BLOC1S2: variants seen among roughly 807,000 people sequenced by gnomAD.
BLOC1S2 encodes biogenesis of lysosomal organelles complex 1 subunit 2.
A neutral mutation model predicts 19.6 loss-of-function variants in BLOC1S2; 12 were observed. The observed-to-expected ratio is 0.61, with a 90% CI of 0.39 to 0.99. The LOEUF (loss-of-function observed/expected upper bound fraction) is 0.99. Among genes scored for constraint, BLOC1S2 ranks in the 50% least tolerant of loss-of-function variants. The probability of loss-of-function intolerance (pLI) is 0.00; values close to 1 mark genes in which losing one functional copy is unlikely to be tolerated. For missense variants in BLOC1S2, 142 were observed against 171.0 expected (o/e 0.83, Z 0.95); for synonymous variants, 66 against 64.1 (o/e 1.03, Z -0.14).
intron 4 of BLOC1S2, among the ~76,000 whole-genome samples, chr10:100,278,073 C>A (rs1453054005): frequency 7.0e-6 from 1 of 143,770 alleles, no homozygotes; most frequent in African/African-American, 2.6e-5. Context: ...GCTCAGCCCC[C>A]CGCCGGGCCA....
chr10:100,280,859 C>G, intron 3 of BLOC1S2, 75 bp downstream of exon 3: 268 of 1,414,978 alleles, frequency 1.9e-4, no homozygotes, highest in Non-Finnish European at 2.4e-4. Context: ...GTCATGTTCC[C>G]TCCTCTTCTC....
intron 2 of BLOC1S2, among the ~76,000 whole-genome samples, chr10:100,283,646 A>G (rs1848163983): frequency 1.3e-5 from 2 of 152,142 alleles, no homozygotes; most frequent in Admixed American, 6.5e-5. Flanking sequence ...CAAGGTGGGC[A>G]GATCACTTGA....
Position 100,274,911 on chromosome 10 carries a change from C to A in BLOC1S2, c.*551G>T, listed in dbSNP as rs1408894382. 1 of 398,392 alleles carries A rather than the reference C, an allele frequency of 2.5e-6. No individual in the cohort carries two copies. Among genetic ancestry groups the A allele is most frequent in the African/African-American group, 2.1e-5 (1 of 48,614 alleles). 24.7% of individuals were successfully genotyped at this position (398,392 alleles called of 1,614,324 possible). On this transcript the variant is annotated 3_prime_UTR_variant, in exon 5 of 5. Coordinates refer to ENST00000370372, the MANE Select transcript of BLOC1S2 (RefSeq NM_173809.5). ...CCATTTCTGCTCAATCTAGAAGACT[C>A]AGCTTGGAATTATTTTAAGATTTTA...
chr10:100,274,995 A>G lies in BLOC1S2; in HGVS notation c.*467T>C. ...CGACATTCACAAGGTGATAAGCTGC[A>G]AAGAACAAGTTTGTTTTGTTTTCCT... On this transcript the variant is annotated 3_prime_UTR_variant, in exon 5 of 5. Coordinates refer to ENST00000370372, the MANE Select transcript of BLOC1S2 (RefSeq NM_173809.5). 2.5e-6 allele frequency: 1 copy of G among 399,086 alleles called. No homozygotes were observed. The allele number at this position is 399,086 out of a possible 1,614,324, so 24.7% of individuals were successfully genotyped here. A position where few individuals can be genotyped will look rare whatever the true frequency, so the allele number is the denominator to read the frequency against.
intron 3 of BLOC1S2, 119 bp downstream of exon 3, chr10:100,280,815 A>T (rs1848083899): frequency 4.5e-6 from 6 of 1,329,834 alleles, no homozygotes; most frequent in Admixed American, 3.2e-5. Flanking sequence ...TTTGGAATTC[A>T]TTTTTAGAAA....
chr10:100,286,467 C>A, intron 1 of BLOC1S2, 138 bp downstream of exon 1: 1 of 1,488,216 alleles, frequency 6.7e-7, no homozygotes, highest in Non-Finnish European at 9.0e-7. Context: ...ACAGGACAAA[C>A]ACTCGCGCGC....
At chr10:100,277,722 C>G (rs1439583866) in intron 4 of BLOC1S2, among the ~76,000 whole-genome samples, 1 of 136,986 alleles carries the variant, frequency 7.3e-6, no homozygotes, top group African/African-American at 2.8e-5. Context: ...CTCAGCCCCC[C>G]GCCCGGCCAG....
At chr10:100,277,320 C>T (rs1025125884) in intron 4 of BLOC1S2, among the ~76,000 whole-genome samples, 1 of 151,118 alleles carries the variant, frequency 6.6e-6, no homozygotes, top group African/African-American at 2.4e-5. Flanking sequence ...CCACCCCGGC[C>T]GGGAGGGAGG....
chr10:100,285,983 C>G (rs1335358990), intron 2 of BLOC1S2, 114 bp downstream of exon 2: 1 of 1,406,380 alleles, frequency 7.1e-7, no homozygotes, highest in Non-Finnish European at 9.6e-7. Flanking sequence ...CAACTTCCAA[C>G]AGGCCTGTCT....
chr10:100,286,478 A>G (rs1208761808), intron 1 of BLOC1S2, 127 bp downstream of exon 1: 2 of 1,493,226 alleles, frequency 1.3e-6, no homozygotes, highest in Non-Finnish European at 1.8e-6. Context: ...ACTCGCGCGC[A>G]GCGACAAGTG....
rs114481780 is a variant in BLOC1S2 at position 100,282,964 on chromosome 10, C to T, written c.173-1911G>A. 3.9e-3 allele frequency: 1,570 copies of T among 398,594 alleles called. 25 individuals are homozygous for T. Among genetic ancestry groups the T allele is most frequent in the African/African-American group, 0.027 (1,311 of 48,730 alleles). The allele number at this position is 398,594 out of a possible 1,614,324, so 24.7% of individuals were successfully genotyped here. On this transcript the variant is annotated intron_variant, in intron 2 of 4. Coordinates refer to ENST00000370372, the MANE Select transcript of BLOC1S2 (RefSeq NM_173809.5). ...TGCACAGCGTCCAATCACACCACTA[C>T]GAAAGTGACTCCGAAATCTGTTTCT...
At chr10:100,285,278 G>A (rs112661700) in intron 2 of BLOC1S2, among the ~76,000 whole-genome samples, 4,166 of 151,940 alleles carry the variant, frequency 0.027, 89 homozygotes, top group Middle Eastern at 0.054. Flanking sequence ...TTTTGAGATG[G>A]AGTCACACTC....
rs771973021 is a variant in BLOC1S2, at chr10:100,286,141, T to C, written c.128A>G (p.Asp43Gly). 4 of 1,614,058 alleles carry C rather than the reference T, an allele frequency of 2.5e-6. No individual in the cohort carries two copies. Among genetic ancestry groups the C allele is most frequent in the African/African-American group, 1.3e-5 (1 of 75,024 alleles). ...GTAAGTGGCCATTTTGGAGAACATG[T>C]CCCGGCAGAGCTCAGTGATGTCAGC... is the stretch of plus-strand genomic sequence containing the variant. The part of the protein sequence containing the change: ...AEADITELCR[D>G]MFSKMATYLT... The change falls in exon 2 of 5, where the codon GAC (aspartate) becomes GGC (glycine). Residue 43 changes from aspartate to glycine, a missense_variant. This residue lies in a region of BLOC1S2 where 94 missense variants were observed against 141.3 expected (regional missense o/e 0.67). Coordinates refer to ENST00000370372, the MANE Select transcript of BLOC1S2 (RefSeq NM_173809.5).
chr10:100,277,320 C>A (rs1025125884), intron 4 of BLOC1S2, among the ~76,000 whole-genome samples: 1 of 151,034 alleles, frequency 6.6e-6, no homozygotes, highest in East Asian at 2.0e-4. Flanking sequence ...CCACCCCGGC[C>A]GGGAGGGAGG....
At chr10:100,277,244 A>G (rs1847913920) in intron 4 of BLOC1S2, among the ~76,000 whole-genome samples, 1 of 146,130 alleles carries the variant, frequency 6.8e-6, no homozygotes, top group East Asian at 2.1e-4. Context: ...CCCGTCTGAG[A>G]AGTGAGGAGC....
chr10:100,281,384 A>C (rs931128682), intron 2 of BLOC1S2, among the ~76,000 whole-genome samples: 1 of 152,132 alleles, frequency 6.6e-6, no homozygotes, highest in Non-Finnish European at 1.5e-5. Flanking sequence ...ACTTATATAC[A>C]TATAATATAT....
chr10:100,278,136 A>G (rs1355817901), intron 4 of BLOC1S2, among the ~76,000 whole-genome samples: 2 of 134,978 alleles, frequency 1.5e-5, no homozygotes, highest in Non-Finnish European at 3.2e-5. Context: ...CCTCCCGGCC[A>G]GCCACCCCGT....
At chr10:100,276,240 T>C (rs1252436951) in intron 4 of BLOC1S2, among the ~76,000 whole-genome samples, 1 of 152,102 alleles carries the variant, frequency 6.6e-6, no homozygotes, top group Admixed American at 6.5e-5. Flanking sequence ...TGTTAAATGA[T>C]GAAAATAAAA....
Position 100,277,196 on chromosome 10 carries a change from C to T in BLOC1S2, c.398-1703G>A, listed in dbSNP as rs547511598. ...GAGGAGCGTCTCTGCCCGGCCGCCC[C>T]GTCTGAGAAGTGAGGAGACCCTCCG... On this transcript the variant is annotated intron_variant, in intron 4 of 4. Transcript: ENST00000370372. Among the ~76,000 whole-genome samples, 429 of 150,870 alleles carry T rather than the reference C, an allele frequency of 2.8e-3. 3 individuals carry two copies. Among genetic ancestry groups the T allele is most frequent in the African/African-American group, 0.01 (418 of 40,982 alleles).
Sources: gnomAD v4.1 joint callset for allele counts (sites outside exome capture counted in the v4.1 genomes callset) on GRCh38, gnomAD v4.1.1 for gene constraint, gnomAD v4.1.1 regional missense constraint, MANE v1.5 for transcripts, NCBI Gene and HGNC (gene_info 2026-07-23, HGNC 2026-07-21) for gene names.